Variants in ABR observed in about 807,000 individuals in gnomAD.
ABR encodes active breakpoint cluster region-related protein.
Under a neutral mutation model 107.2 loss-of-function variants are expected in ABR, and 35 were observed. The ratio of observed to expected loss-of-function variants is 0.33; its 90% CI spans 0.25 to 0.43. The LOEUF is 0.43. ABR is among the 20% of genes least tolerant of loss of function. The pLI is 1.00. For synonymous variants in ABR, 498 were observed against 462.0 expected (o/e 1.08, Z -1.00); for missense variants, 815 against 1,115.2 (o/e 0.73, Z 3.83).
intron 3 of ABR, among the ~76,000 whole-genome samples, chr17:1,095,785 T>C (rs1379853992): frequency 6.6e-6 from 1 of 152,152 alleles, no homozygotes; most frequent in East Asian, 1.9e-4. Flanking sequence ...GACCGGCCTT[T>C]CGAAATAAGG....
Position 1,179,694 on chromosome 17 carries a change from G to C in ABR, c.34C>G (p.Leu12Val), listed in dbSNP as rs2042054296. 1.3e-6 allele frequency: 2 copies of C among 1,561,924 alleles called. No homozygotes were observed. The highest frequency in any genetic ancestry group is 1.8e-5 in the Admixed American group (1 of 55,680). Residue 12 changes from leucine to valine, a missense_variant, in exon 1 of 23, where the codon CTG (leucine) becomes GTG (valine). Leu to Val is a conservative substitution (Grantham distance 32, BLOSUM62 1). Around this residue, in one of 5 missense-constraint regions of ABR, gnomAD observed 129 missense variants for 124.8 expected, o/e 1.03. Transcript: ENST00000302538. This position sits in a 1 kb window ranked among gnomAD's most constrained non-coding sequence, Gnocchi z 4.9. ...EPLSHRGLPR[L>V]SWIDTLYSNF... ...CTGTAGAGGGTGTCGATCCAGGACA[G>C]GCGCGGCAGGCCCCGGTGGCTGAGC...
intron 16 of ABR, among the ~76,000 whole-genome samples, chr17:1,022,124 A>AAAAAAAAAAAAAAAAAC (rs1567591966): frequency 6.6e-6 from 1 of 150,852 alleles, no homozygotes; most frequent in East Asian, 2.0e-4. Context: ...AAAAAAAAAA[A>AAAAAAAAAAAAAAAAAC]ACAGAAAATG....
intron 1 of ABR, among the ~76,000 whole-genome samples, chr17:1,223,014 C>A (rs769027007): frequency 6.6e-6 from 1 of 151,876 alleles, no homozygotes; most frequent in South Asian, 2.1e-4. Context: ...CCAGCCTGGA[C>A]AACATGGCGA....
intron 1 of ABR, among the ~76,000 whole-genome samples, chr17:1,193,340 G>A (rs1053314690): frequency 2.7e-5 from 4 of 149,678 alleles, no homozygotes; most frequent in East Asian, 1.9e-4. Flanking sequence ...AACGCCCTTC[G>A]GCCGACGTGT....
chr17:1,080,955 G>A (rs1158587327), intron 5 of ABR, among the ~76,000 whole-genome samples: 1 of 152,180 alleles, frequency 6.6e-6, no homozygotes, highest in Non-Finnish European at 1.5e-5. Flanking sequence ...GTCATCGAGT[G>A]AGTCAGGATG....
chr17:1,206,588 T>G (rs1292774992), intron 1 of ABR, among the ~76,000 whole-genome samples: 1 of 152,156 alleles, frequency 6.6e-6, no homozygotes, highest in Non-Finnish European at 1.5e-5. Context: ...GGGCTGCAGC[T>G]TGTTTAGTGC....
rs557400017 is a variant in ABR at position 1,105,958 on chromosome 17, T to C, written c.247-5223A>G. On this transcript the variant is annotated intron_variant, in intron 2 of 22. Coordinates refer to ENST00000302538, the MANE Select transcript of ABR (RefSeq NM_021962.5). ...TTCCTGACAAATAAGTTCCTTAAAA[T>C]AGCACCTTCTACAACGCCCCCGTCA... is the stretch of plus-strand genomic sequence containing the variant. Among the ~76,000 whole-genome samples the C allele has an allele frequency of 3.3e-5, 5 of 152,264 alleles. No homozygotes were observed. The East Asian group carries it at 5.8e-4, about 18-fold the overall frequency.
rs1384936239 is a variant in ABR, at chr17:1,009,783, G to C, written c.2238C>G (p.Ala746=). The change falls in exon 21 of 23, where the codon GCC becomes GCG. Residue 746 remains alanine, a splice_region_variant and synonymous_variant. Coordinates refer to ENST00000302538, the MANE Select transcript of ABR (RefSeq NM_021962.5). ...TTTCCTTGGCAGCAGGGTCTGACAG[G>C]GCTGTGGGAGAGAAGGGCCAGTGTG... The part of the protein sequence containing the change: ...RLYPAFMEGI[A]LSDPAAKENC... 1 of 1,613,700 alleles carries C rather than the reference G, an allele frequency of 6.2e-7. No homozygotes were observed. Among genetic ancestry groups the C allele is most frequent in the Admixed American group, 1.7e-5 (1 of 60,030 alleles).
intron 1 of ABR, among the ~76,000 whole-genome samples, chr17:1,223,905 C>G (rs190982620): frequency 6.6e-6 from 1 of 152,312 alleles, no homozygotes; most frequent in Non-Finnish European, 1.5e-5. Flanking sequence ...AGGTCCCTCC[C>G]TCGACACGTG....
At chr17:1,112,619 G>GA (rs2038741870) in intron 2 of ABR, among the ~76,000 whole-genome samples, 1 of 151,736 alleles carries the variant, frequency 6.6e-6, no homozygotes, top group East Asian at 1.9e-4. Context: ...GAGGGAGGAA[G>GA]GAAGGAAGGA....
At chr17:1,212,966 A>G (rs2042932907) in intron 1 of ABR, among the ~76,000 whole-genome samples, 1 of 152,040 alleles carries the variant, frequency 6.6e-6, no homozygotes, top group African/African-American at 2.4e-5. Flanking sequence ...GACTTAAGAA[A>G]TTTTTCACCC....
chr17:1,038,615 A>C (rs2073377743), intron 16 of ABR, among the ~76,000 whole-genome samples: 1 of 152,154 alleles, frequency 6.6e-6, no homozygotes, highest in Non-Finnish European at 1.5e-5. Context: ...TACAGGCTAC[A>C]CTGGGGCTTA....
chr17:1,097,434 T>C (rs1322418910), intron 3 of ABR, among the ~76,000 whole-genome samples: 1 of 151,600 alleles, frequency 6.6e-6, no homozygotes, highest in African/African-American at 2.4e-5. Flanking sequence ...CTACTAAAAA[T>C]ACAAAAATTA....
intron 1 of ABR, among the ~76,000 whole-genome samples, chr17:1,173,853 T>A (rs1205487645): frequency 1.3e-5 from 2 of 152,114 alleles, no homozygotes; most frequent in Non-Finnish European, 2.9e-5. Flanking sequence ...TGTGCCGGCC[T>A]CTCCCAGTCC....
At chr17:1,094,139 T>G (rs549557382) in intron 3 of ABR, among the ~76,000 whole-genome samples, 1 of 152,210 alleles carries the variant, frequency 6.6e-6, no homozygotes, top group East Asian at 1.9e-4. Flanking sequence ...CTCGCCGTCC[T>G]AGAACCAACG....
upstream of ABR, among the ~76,000 whole-genome samples, chr17:1,190,975 C>G (rs766520745): frequency 6.6e-6 from 1 of 152,206 alleles, no homozygotes; most frequent in Admixed American, 6.5e-5. Flanking sequence ...CTGAGCGAGT[C>G]TGCAGGGCCT....
intron 1 of ABR, among the ~76,000 whole-genome samples, chr17:1,145,507 C>T (rs2040489046): frequency 2.6e-5 from 4 of 152,234 alleles, no homozygotes; most frequent in Admixed American, 1.3e-4. Flanking sequence ...GGCCAGGAGG[C>T]GATGACCTGG....
intron 1 of ABR, among the ~76,000 whole-genome samples, chr17:1,160,647 C>A (rs977334395): frequency 2.0e-5 from 3 of 152,228 alleles, no homozygotes; most frequent in African/African-American, 7.2e-5. Context: ...GCTGAGTTCA[C>A]ACGACAGCCA....
intron 1 of ABR, among the ~76,000 whole-genome samples, chr17:1,226,341 TTG>T (rs1045171061): frequency 2.6e-5 from 4 of 152,170 alleles, no homozygotes; most frequent in African/African-American, 4.8e-5. Flanking sequence ...TTCTCCTAGA[TTG>T]TGTGTGCACA....
Sources: allele counts gnomAD v4.1 joint callset (sites outside exome capture counted in the v4.1 genomes callset), GRCh38; gene constraint gnomAD v4.1.1; regional missense constraint gnomAD v4.1.1; non-coding constraint Gnocchi (gnomAD v3.1); transcripts MANE v1.5; gene names NCBI Gene and HGNC (gene_info 2026-07-23, HGNC 2026-07-21).